The following CFAP299 variants were observed in gnomAD, a reference collection of about 807,000 sequenced individuals.
CFAP299 encodes cilia- and flagella-associated protein 299.
A neutral mutation model predicts 27.0 loss-of-function variants in CFAP299; 21 were observed. That is an observed-to-expected ratio of 0.78 (90% CI 0.55 to 1.12). CFAP299 has a LOEUF of 1.12. Among genes scored for constraint, CFAP299 ranks in the 50% most tolerant of loss-of-function variants. The pLI is 0.00. For missense variants in CFAP299, 310 were observed against 276.6 expected, an observed-to-expected ratio of 1.12 and a Z score of -0.86; for synonymous variants, 104 against 98.1, an observed-to-expected ratio of 1.06 and a Z score of -0.36.
At chr4:80,430,868 CTA>C (rs1365498427) in intron 2 of CFAP299, among the ~76,000 whole-genome samples, 2 of 152,220 alleles carry the variant, frequency 1.3e-5, no homozygotes, top group Non-Finnish European at 2.9e-5. Flanking sequence ...TTCAGCCATT[CTA>C]GCCTCTTTGC....
intron 3 of CFAP299, among the ~76,000 whole-genome samples, chr4:80,621,788 C>T (rs1738617985): frequency 1.3e-5 from 2 of 152,056 alleles, no homozygotes; most frequent in South Asian, 4.1e-4. Flanking sequence ...GAGTCAAATG[C>T]TGTGGCATTC....
At chr4:80,688,504 TAACA>T (rs889412560) in intron 3 of CFAP299, among the ~76,000 whole-genome samples, 182 of 152,128 alleles carry the variant, frequency 1.2e-3, no homozygotes, top group Middle Eastern at 6.8e-3. Context: ...GAAGGAAAAC[TAACA>T]AACAGAAAGG....
At chr4:80,758,322 G>A (rs1287527993) in intron 3 of CFAP299, among the ~76,000 whole-genome samples, 1 of 152,268 alleles carries the variant, frequency 6.6e-6, no homozygotes, top group East Asian at 1.9e-4. Context: ...CCTCTCCAAA[G>A]CTATGCCTTC....
chr4:80,945,090 T>G, intron 5 of CFAP299, 151 bp downstream of exon 5: 1 of 703,708 alleles, frequency 1.4e-6, no homozygotes, highest in Admixed American at 2.8e-5. Context: ...GTACTACCTT[T>G]TAAAAAACAC....
At chr4:80,774,450 A>C (rs1229950880) in intron 3 of CFAP299, among the ~76,000 whole-genome samples, 1 of 151,956 alleles carries the variant, frequency 6.6e-6, no homozygotes, top group Non-Finnish European at 1.5e-5. Flanking sequence ...CTACTATAAA[A>C]AATGCATATT....
chr4:80,673,758 A>T (rs1560690962), intron 3 of CFAP299, among the ~76,000 whole-genome samples: 1 of 150,864 alleles, frequency 6.6e-6, no homozygotes, highest in East Asian at 1.9e-4. Flanking sequence ...TGATCCCTTT[A>T]CCATCATGTA....
chr4:80,799,497 A>T (rs1188690544), intron 3 of CFAP299, among the ~76,000 whole-genome samples: 1 of 81,336 alleles, frequency 1.2e-5, no homozygotes, highest in African/African-American at 5.0e-5. Flanking sequence ...TATATATAAT[A>T]TATTTTATAA....
intron 3 of CFAP299, among the ~76,000 whole-genome samples, chr4:80,714,715 T>A (rs1226374320): frequency 6.6e-6 from 1 of 152,074 alleles, no homozygotes; most frequent in Non-Finnish European, 1.5e-5. Context: ...TGCTACGTGC[T>A]CTTTCCCTTT....
intron 3 of CFAP299, among the ~76,000 whole-genome samples, chr4:80,591,182 G>A (rs1360771913): frequency 2.2e-5 from 3 of 135,862 alleles, no homozygotes; most frequent in Non-Finnish European, 3.1e-5. Flanking sequence ...GGAGTGCAGT[G>A]GCGGGATCTA....
intron 2 of CFAP299, among the ~76,000 whole-genome samples, chr4:80,514,746 G>T (rs1578540101): frequency 6.6e-6 from 1 of 152,128 alleles, no homozygotes; most frequent in East Asian, 1.9e-4. Context: ...TGATAAGAAA[G>T]AGTATAATTT....
intron 4 of CFAP299, among the ~76,000 whole-genome samples, chr4:80,911,133 A>G (rs373799734): frequency 6.6e-6 from 1 of 151,854 alleles, no homozygotes; most frequent in African/African-American, 2.4e-5. Context: ...ATAAAATAAA[A>G]CATAAGTTGT....
At chr4:80,884,368 A>G (rs1275122980) in intron 4 of CFAP299, among the ~76,000 whole-genome samples, 1 of 152,204 alleles carries the variant, frequency 6.6e-6, no homozygotes, top group Non-Finnish European at 1.5e-5. Flanking sequence ...ACTTTGGAAA[A>G]ACCCACAAAT....
At chr4:80,332,082 A>C (rs1216180425), upstream of CFAP299, among the ~76,000 whole-genome samples, 2 of 152,230 alleles carry the variant, frequency 1.3e-5, no homozygotes, top group African/African-American at 4.8e-5. Context: ...AAGAGAAGAG[A>C]GTGGTCACAG....
At chr4:80,387,978 A>G (rs547997879) in intron 2 of CFAP299, 22 of 739,834 alleles carry the variant, frequency 3.0e-5, no homozygotes, top group South Asian at 2.3e-4. Flanking sequence ...GGGGTGGGGT[A>G]TACTGGAGCC....
At chr4:80,568,501 T>G (rs1292305533) in intron 2 of CFAP299, among the ~76,000 whole-genome samples, 2 of 152,104 alleles carry the variant, frequency 1.3e-5, no homozygotes, top group Non-Finnish European at 2.9e-5. Context: ...TAAAAGTTGT[T>G]GAAAGAGAGA....
intron 3 of CFAP299, among the ~76,000 whole-genome samples, chr4:80,737,918 A>T (rs759810286): frequency 6.6e-6 from 1 of 152,122 alleles, no homozygotes. Flanking sequence ...AGATTTTGGT[A>T]TGTTGAGTTT....
At chr4:80,452,875 G>C (rs1338248283) in intron 2 of CFAP299, among the ~76,000 whole-genome samples, 1 of 152,140 alleles carries the variant, frequency 6.6e-6, no homozygotes, top group East Asian at 1.9e-4. Context: ...CTACTCTGAT[G>C]ATGATTACTT....
intron 2 of CFAP299, among the ~76,000 whole-genome samples, chr4:80,394,989 T>C (rs1433183691): frequency 6.6e-6 from 1 of 152,114 alleles, no homozygotes; most frequent in East Asian, 1.9e-4. Context: ...AGAAAGTTTG[T>C]ATAGAATTTG....
intron 4 of CFAP299, among the ~76,000 whole-genome samples, chr4:80,937,640 T>G (rs1213892995): frequency 6.6e-6 from 1 of 152,166 alleles, no homozygotes; most frequent in Non-Finnish European, 1.5e-5. Flanking sequence ...GTGAATCTCT[T>G]GCAGGCAGCA....
Sources: gnomAD v4.1 joint callset for allele counts (sites outside exome capture counted in the v4.1 genomes callset) on GRCh38, gnomAD v4.1.1 for gene constraint, MANE v1.5 for transcripts, NCBI Gene and HGNC (gene_info 2026-07-23, HGNC 2026-07-21) for gene names.